RORB: variants seen among roughly 807,000 people sequenced by gnomAD.
The protein encoded by RORB is nuclear receptor ROR-beta.
In RORB, 6 loss-of-function variants were observed where a neutral mutation model predicts 59.1. The observed-to-expected ratio is 0.10, with a 90% CI of 0.06 to 0.20. RORB has a LOEUF of 0.20. RORB is among the 10% of genes least tolerant of loss of function. The pLI is 1.00. For missense variants in RORB, 320 were observed against 560.5 expected (o/e 0.57, Z 4.33); for synonymous variants, 215 against 204.5 (o/e 1.05, Z -0.44).
intron 9 of RORB, among the ~76,000 whole-genome samples, chr9:74,677,902 ATACT>A (rs201217612): frequency 0.018 from 2,815 of 152,366 alleles, 42 homozygotes; most frequent in Non-Finnish European, 0.03. Context: ...CACTCAATAA[ATACT>A]TACTACAGGT....
rs530174118 is a variant in RORB, at chr9:74,583,202, T to A, written c.8-47080T>A. On this transcript the variant is annotated intron_variant, in intron 1 of 9. Transcript: ENST00000376896. ...TAGGGCTCATGTAAGTGTTTCTTTTTACCAACTTACTATTGCCTCAGTAGA... is the reference window on the plus strand; with the variant it reads ...TAGGGCTCATGTAAGTGTTTCTTTTAACCAACTTACTATTGCCTCAGTAGA... Among the ~76,000 whole-genome samples the A allele has an allele frequency of 2.0e-5, 3 of 152,270 alleles. No homozygotes were observed. In the South Asian group the frequency reaches 6.2e-4, roughly 32 times the overall value.
chr9:74,668,331 T>C (rs1359352944), intron 8 of RORB, among the ~76,000 whole-genome samples: 1 of 152,228 alleles, frequency 6.6e-6, no homozygotes, highest in Non-Finnish European at 1.5e-5. Flanking sequence ...TTTCTACTCT[T>C]TAAACACCTC....
At chr9:74,640,285 G>T (rs1222116232) in intron 3 of RORB, among the ~76,000 whole-genome samples, 1 of 152,088 alleles carries the variant, frequency 6.6e-6, no homozygotes, top group East Asian at 1.9e-4. Context: ...CTGTCACCCA[G>T]GCTGGAGTAC....
intron 1 of RORB, among the ~76,000 whole-genome samples, chr9:74,504,087 C>T (rs938672213): frequency 2.6e-5 from 4 of 151,984 alleles, no homozygotes; most frequent in African/African-American, 9.7e-5. Flanking sequence ...CAGGTAACCT[C>T]TAAAATATAC....
intron 1 of RORB, among the ~76,000 whole-genome samples, chr9:74,571,248 C>T (rs1822546253): frequency 6.6e-6 from 1 of 151,902 alleles, no homozygotes; most frequent in African/African-American, 2.4e-5. Context: ...AAAATTTCAC[C>T]TAAACCATGA....
chr9:74,662,890 T>C (rs1157012954), intron 6 of RORB, among the ~76,000 whole-genome samples: 3 of 151,768 alleles, frequency 2.0e-5, no homozygotes, highest in African/African-American at 4.8e-5. Context: ...CGTGTCAAGG[T>C]GGCTGAATTG....
chr9:74,504,630 G>A (rs1825844083), intron 1 of RORB, among the ~76,000 whole-genome samples: 1 of 152,000 alleles, frequency 6.6e-6, no homozygotes, highest in Non-Finnish European at 1.5e-5. Context: ...GATTAGTTAT[G>A]ATATCATGTG....
chr9:74,667,760 T>C (rs1740024973), intron 7 of RORB, 31 bp from the exon 8 acceptor site: 1 of 1,395,876 alleles, frequency 7.2e-7, no homozygotes, highest in Non-Finnish European at 1.0e-6. Context: ...AGTTCAAGTA[T>C]TTTTATTCCA....
rs1046864934 is a variant in RORB at position 74,686,937 on chromosome 9, C to G, written c.*1319C>G. 7 of 152,120 alleles carry G rather than the reference C, an allele frequency of 4.6e-5. No homozygotes were observed. Among genetic ancestry groups the G allele is most frequent in the African/African-American group, 1.7e-4 (7 of 41,412 alleles). The allele number at this position is 152,120 out of a possible 1,614,324, so 9.4% of individuals were successfully genotyped here. Reference sequence around the variant, plus strand: ...ATGTACCCCAAAGCCAAAACTAATTCCTGTGAAGTTTACAGTTACATCATC... The same window carrying G: ...ATGTACCCCAAAGCCAAAACTAATTGCTGTGAAGTTTACAGTTACATCATC... On this transcript the variant is annotated 3_prime_UTR_variant, in exon 10 of 10. Coordinates refer to ENST00000376896, the MANE Select transcript of RORB (RefSeq NM_006914.4).
chr9:74,685,273 G>C (rs897951923), intron 9 of RORB, among the ~76,000 whole-genome samples, 190 bp from the exon 10 acceptor site: 1 of 151,522 alleles, frequency 6.6e-6, no homozygotes, highest in African/African-American at 2.4e-5. Context: ...GGTGTCCGGG[G>C]GGGCGGGGGT....
rs113903633 is a variant in RORB at position 74,501,045 on chromosome 9, G to T, written c.7+3062G>T. ...TGAGAAAGAAGTGAGCCGAGGTGTG[G>T]GTTTCAGGGTTCCTTCTTGAAAGAT... On this transcript the variant is annotated intron_variant, in intron 1 of 9. Coordinates refer to ENST00000376896, the MANE Select transcript of RORB (RefSeq NM_006914.4). Among the ~76,000 whole-genome samples the T allele has an allele frequency of 3.8e-3, 581 of 152,238 alleles. 6 individuals carry two copies. Among genetic ancestry groups the T allele is most frequent in the African/African-American group, 0.013 (549 of 41,540 alleles).
At chr9:74,525,704 T>G (rs1490353296) in intron 1 of RORB, among the ~76,000 whole-genome samples, 1 of 151,870 alleles carries the variant, frequency 6.6e-6, no homozygotes, top group East Asian at 1.9e-4. Context: ...GAGCATACAT[T>G]TTCAGTTTTT....
At chr9:74,632,609 C>T (rs2118424954) in intron 2 of RORB, among the ~76,000 whole-genome samples, 1 of 152,188 alleles carries the variant, frequency 6.6e-6, no homozygotes, top group East Asian at 1.9e-4. Flanking sequence ...TAATGAGCAA[C>T]AGATAAGCAA....
At chr9:74,521,091 A>G (rs992147115) in intron 1 of RORB, among the ~76,000 whole-genome samples, 3 of 151,888 alleles carry the variant, frequency 2.0e-5, no homozygotes, top group Non-Finnish European at 2.9e-5. Flanking sequence ...TGTTAACTAA[A>G]ACTTCATTGT....
intron 4 of RORB, among the ~76,000 whole-genome samples, chr9:74,655,391 C>T (rs916696595): frequency 6.6e-6 from 1 of 151,736 alleles, no homozygotes; most frequent in African/African-American, 2.4e-5. Flanking sequence ...ACTTCTTCTT[C>T]GACATGTACC....
In RORB at chr9:74,642,769, T is replaced by C; in HGVS notation, c.591T>C (p.Ser197=). 6.2e-7 allele frequency: 1 copy of C among 1,611,160 alleles called. No individual in the cohort carries two copies. Among genetic ancestry groups the C allele is most frequent in the South Asian group, 1.1e-5 (1 of 90,858 alleles). Residue 197 remains serine (S), a synonymous_variant, in exon 4 of 10, where the codon TCT becomes TCC. Transcript: ENST00000376896. The part of the protein sequence containing the change: ...TSVPNLFTYS[S]FNNGQLAPGI... The stretch of plus-strand genomic sequence containing the variant: ...TACCCAACTTGTTTACCTATAGCTC[T>C]TTCAACAATGGGCAGTTAGCACCAG...
intron 1 of RORB, among the ~76,000 whole-genome samples, chr9:74,600,079 A>G (rs1823031337): frequency 6.6e-6 from 1 of 152,326 alleles, no homozygotes; most frequent in Non-Finnish European, 1.5e-5. Flanking sequence ...CTAGTTTCCA[A>G]TAATGACACT....
intron 1 of RORB, among the ~76,000 whole-genome samples, chr9:74,578,283 A>G (rs938487247): frequency 1.3e-5 from 2 of 152,162 alleles, no homozygotes; most frequent in Admixed American, 1.3e-4. Context: ...AGGGGACAAG[A>G]TACTGATTAT....
In RORB at chr9:74,672,968, C is replaced by A. The variant is rs573659550; in HGVS notation, c.1224+1067C>A. On this transcript the variant is annotated intron_variant, in intron 9 of 9. Coordinates refer to ENST00000376896, the MANE Select transcript of RORB (RefSeq NM_006914.4). The stretch of plus-strand genomic sequence containing the variant: ...ACCATCAGATTTTACTTTGCACATA[C>A]AGAGTACTGCTATAAAAAACCTCCA... 3.3e-5 allele frequency among the ~76,000 whole-genome samples: 5 copies of A among 152,294 alleles called. No homozygotes were observed. In the South Asian group the frequency reaches 1.0e-3, roughly 32 times the overall value.
Sources: allele counts gnomAD v4.1 joint callset (sites outside exome capture counted in the v4.1 genomes callset), GRCh38; gene constraint gnomAD v4.1.1; transcripts MANE v1.5; gene names NCBI Gene and HGNC (gene_info 2026-07-23, HGNC 2026-07-21).